The following SLC25A13 variants were observed in gnomAD, a reference collection of about 807,000 sequenced individuals.
SLC25A13 encodes solute carrier family 25 member 13.
SLC25A13 carries 70 observed loss-of-function variants against 85.5 expected under a neutral mutation model. The ratio of observed to expected loss-of-function variants is 0.82; its 90% confidence interval spans 0.68 to 1.00. The LOEUF (loss-of-function observed/expected upper bound fraction) is 1.00, where lower values mean the gene tolerates loss of function less well. SLC25A13 is among the 50% of genes least tolerant of loss of function. The probability of loss-of-function intolerance (pLI) is 0.00; values close to 1 mark genes in which losing one functional copy is unlikely to be tolerated. For synonymous variants in SLC25A13, 259 were observed against 288.7 expected, an observed-to-expected ratio of 0.90 and a Z score of 1.04; for missense variants, 765 against 819.8, an observed-to-expected ratio of 0.93 and a Z score of 0.82.
At chr7:96,300,180 T>C (rs1038452477) in intron 1 of SLC25A13, among the ~76,000 whole-genome samples, 8 of 152,020 alleles carry the variant, frequency 5.3e-5, no homozygotes, top group East Asian at 3.9e-4. Context: ...GAGGCCAAGG[T>C]GGGAGGATCA....
intron 7 of SLC25A13, among the ~76,000 whole-genome samples, chr7:96,190,087 T>A (rs913915519): frequency 6.7e-6 from 1 of 150,314 alleles, no homozygotes; most frequent in African/African-American, 2.4e-5. Flanking sequence ...TTCTGATTTT[T>A]TTTTTTTTTT....
At chr7:96,252,072 T>C (rs1200163150) in intron 3 of SLC25A13, among the ~76,000 whole-genome samples, 1 of 152,220 alleles carries the variant, frequency 6.6e-6, no homozygotes, top group Non-Finnish European at 1.5e-5. Flanking sequence ...ACAGAGCTTG[T>C]CTTAGAGTTT....
At chr7:96,162,172 G>C (rs1395130090) in intron 13 of SLC25A13, among the ~76,000 whole-genome samples, 1 of 152,162 alleles carries the variant, frequency 6.6e-6, no homozygotes, top group Non-Finnish European at 1.5e-5. Context: ...AAAAGATCGC[G>C]AAGTAAGACT....
chr7:96,301,887 C>A (rs1799560781), intron 1 of SLC25A13, among the ~76,000 whole-genome samples: 1 of 152,132 alleles, frequency 6.6e-6, no homozygotes, highest in African/African-American at 2.4e-5. Flanking sequence ...CTTGGCCTCC[C>A]AAAGTGCTGG....
chr7:96,251,586 T>C (rs79605700), intron 3 of SLC25A13, among the ~76,000 whole-genome samples: 6,780 of 152,264 alleles, frequency 0.045, 212 homozygotes, highest in Admixed American at 0.089. Context: ...TCATTGGGTG[T>C]TGAATCACTC....
intron 3 of SLC25A13, among the ~76,000 whole-genome samples, chr7:96,246,424 T>C (rs1255223274): frequency 6.6e-6 from 1 of 152,214 alleles, no homozygotes; most frequent in East Asian, 1.9e-4. Flanking sequence ...AAGGTAATGA[T>C]GATTAAAACA....
chr7:96,284,487 A>G lies in SLC25A13; in HGVS notation c.70-7149T>C, dbSNP rs149844391. Among the ~76,000 whole-genome samples the G allele has an allele frequency of 5.6e-3, 850 of 152,320 alleles. 5 individuals carry two copies. The highest frequency in any genetic ancestry group is 8.3e-3 in the Non-Finnish European group (567 of 68,020). On this transcript the variant is annotated intron_variant, in intron 2 of 17. Coordinates refer to ENST00000265631, the MANE Select transcript of SLC25A13 (RefSeq NM_014251.3). The stretch of plus-strand genomic sequence containing the variant: ...GTAATTCACTATGTTACTCTGTAAT[A>G]TGTCTTCTGTTTCTCATTCAGCCCT...
chr7:96,290,109 G>T (rs1799057234), intron 2 of SLC25A13, among the ~76,000 whole-genome samples: 1 of 152,138 alleles, frequency 6.6e-6, no homozygotes, highest in Admixed American at 6.6e-5. Flanking sequence ...GAAGAGAGTG[G>T]GGGCCAATAT....
At chr7:96,276,988 C>G (rs934408180) in intron 3 of SLC25A13, among the ~76,000 whole-genome samples, 13 of 152,022 alleles carry the variant, frequency 8.6e-5, no homozygotes, top group African/African-American at 2.7e-4. Flanking sequence ...TTAAAAGAGT[C>G]AAATATATAC....
chr7:96,126,317 C>G (rs927438035), intron 15 of SLC25A13, among the ~76,000 whole-genome samples: 3 of 152,114 alleles, frequency 2.0e-5, no homozygotes, highest in African/African-American at 7.2e-5. Flanking sequence ...AAGCTGCCAT[C>G]ACTTTATTTT....
chr7:96,129,473 A>T (rs1469341674), intron 15 of SLC25A13, among the ~76,000 whole-genome samples: 6 of 152,188 alleles, frequency 3.9e-5, no homozygotes, highest in Non-Finnish European at 8.8e-5. Flanking sequence ...TTAAAAAAAA[A>T]TAACTGATTC....
intron 2 of SLC25A13, among the ~76,000 whole-genome samples, chr7:96,280,508 G>C (rs1798632454): frequency 6.6e-6 from 1 of 152,080 alleles, no homozygotes; most frequent in Non-Finnish European, 1.5e-5. Flanking sequence ...TTGAGCCCAG[G>C]AGTTCAAGAC....
chr7:96,263,062 C>T (rs1325739174), intron 3 of SLC25A13, among the ~76,000 whole-genome samples: 2 of 150,170 alleles, frequency 1.3e-5, no homozygotes, highest in Admixed American at 1.3e-4. Context: ...AGCTACTGCT[C>T]ACAAAATATT....
intron 13 of SLC25A13, among the ~76,000 whole-genome samples, chr7:96,154,677 G>C (rs948084731): frequency 6.6e-6 from 1 of 152,140 alleles, no homozygotes; most frequent in Non-Finnish European, 1.5e-5. Flanking sequence ...TTGTAGCTAG[G>C]AGTCCCTCTG....
At chr7:96,166,291 A>G (rs977691758) in intron 13 of SLC25A13, among the ~76,000 whole-genome samples, 2 of 152,258 alleles carry the variant, frequency 1.3e-5, no homozygotes, top group African/African-American at 2.4e-5. Flanking sequence ...ACCATAGTTT[A>G]AAAAACATGT....
rs145800336 is a variant in SLC25A13 at position 96,279,843 on chromosome 7, T to G, written c.70-2505A>C. ...ATCCCCCAACTTTAATTTTTCCACT[T>G]AATCTCTTGGTTGTCCCACGAACAC... is the stretch of plus-strand genomic sequence containing the variant. On this transcript the variant is annotated intron_variant, in intron 2 of 17. Transcript: ENST00000265631. Among the ~76,000 whole-genome samples, 389 of 152,308 alleles carry G rather than the reference T, an allele frequency of 2.6e-3. 1 individual carries two copies. Among genetic ancestry groups the G allele is most frequent in the African/African-American group, 9.0e-3 (375 of 41,568 alleles).
intron 13 of SLC25A13, among the ~76,000 whole-genome samples, chr7:96,168,275 G>A (rs1477042910): frequency 6.6e-6 from 1 of 151,994 alleles, no homozygotes; most frequent in Non-Finnish European, 1.5e-5. Flanking sequence ...AATGATTGGG[G>A]GGGAAAAAGG....
intron 2 of SLC25A13, among the ~76,000 whole-genome samples, chr7:96,292,016 T>C (rs1799144496): frequency 6.6e-6 from 1 of 152,196 alleles, no homozygotes; most frequent in Non-Finnish European, 1.5e-5. Flanking sequence ...TGAACATCGA[T>C]GCAAAAATCC....
rs532967637 is a variant in SLC25A13, at chr7:96,170,667, A to G, written c.1231-542T>C. 1.8e-4 allele frequency among the ~76,000 whole-genome samples: 28 copies of G among 152,332 alleles called. No homozygotes were observed. The South Asian group carries it at 2.5e-3, about 14-fold the overall frequency. ...TAATATTCTCAAAATGGTATGTAGT[A>G]CAAGAAATTTTAAGAAACAGTCATA... On this transcript the variant is annotated intron_variant, in intron 12 of 17. Coordinates refer to ENST00000265631, the MANE Select transcript of SLC25A13 (RefSeq NM_014251.3).
Sources: gnomAD v4.1 joint callset for allele counts (sites outside exome capture counted in the v4.1 genomes callset) on GRCh38, gnomAD v4.1.1 for gene constraint, MANE v1.5 for transcripts, NCBI Gene and HGNC (gene_info 2026-07-23, HGNC 2026-07-21) for gene names.